Variants in CRACR2A observed in about 807,000 individuals in gnomAD.
CRACR2A encodes the protein calcium release activated channel regulator 2A.
A neutral mutation model predicts 90.5 loss-of-function variants in CRACR2A; 79 were observed. The ratio of observed to expected loss-of-function variants is 0.87; its 90% CI spans 0.73 to 1.05. The LOEUF is 1.05. Among genes scored for constraint, CRACR2A ranks in the 50% least tolerant of loss-of-function variants. The probability of loss-of-function intolerance (pLI) is 0.00; values close to 1 mark genes in which losing one functional copy is unlikely to be tolerated. For synonymous variants in CRACR2A, 338 were observed against 356.7 expected (o/e 0.95, Z 0.59); for missense variants, 823 against 897.2 (o/e 0.92, Z 1.06).
intron 12 of CRACR2A, 22 bp from the exon 13 acceptor site, chr12:3,641,860 T>C: frequency 3.2e-6 from 5 of 1,547,928 alleles, no homozygotes; most frequent in Non-Finnish European, 4.4e-6. Flanking sequence ...CAAAATGTCC[T>C]CAGATCCATG....
chr12:3,648,344 G>C, intron 11 of CRACR2A, 198 bp downstream of exon 11: 1 of 1,479,558 alleles, frequency 6.8e-7, no homozygotes, highest in Non-Finnish European at 9.0e-7. Context: ...GGATGTGGGC[G>C]CATGTGTAAA....
chr12:3,619,443 C>A, intron 17 of CRACR2A, 71 bp from the exon 18 acceptor site: 1 of 1,247,892 alleles, frequency 8.0e-7, no homozygotes, highest in South Asian at 1.3e-5. Context: ...CTAACAATGC[C>A]GGCTGGACAG....
chr12:3,667,614 C>T (rs538723160), intron 7 of CRACR2A, among the ~76,000 whole-genome samples: 1 of 152,316 alleles, frequency 6.6e-6, no homozygotes, highest in East Asian at 1.9e-4. Flanking sequence ...GCAAATTCAG[C>T]CTCAGCCAGT....
intron 7 of CRACR2A, among the ~76,000 whole-genome samples, chr12:3,659,974 T>C (rs1289488529): frequency 6.6e-6 from 1 of 152,192 alleles, no homozygotes. Context: ...TCCCTTTATT[T>C]TACTTTATTT....
intron 2 of CRACR2A, among the ~76,000 whole-genome samples, chr12:3,721,313 C>T (rs1946168135): frequency 2.7e-5 from 4 of 149,314 alleles, no homozygotes; most frequent in South Asian, 2.1e-4. Context: ...GCAAGAGGGT[C>T]GCTTGAGCCC....
At chr12:3,673,640 C>T (rs375460095) in intron 6 of CRACR2A, 48 bp from the exon 7 acceptor site, 31 of 1,595,566 alleles carry the variant, frequency 1.9e-5, no homozygotes, top group East Asian at 1.6e-4. Context: ...TGAGGCTTCA[C>T]GGGAAATACA....
chr12:3,747,547 A>G (rs1247871534), intron 1 of CRACR2A, among the ~76,000 whole-genome samples: 2 of 152,212 alleles, frequency 1.3e-5, no homozygotes, highest in Non-Finnish European at 2.9e-5. Flanking sequence ...ACTCTGATGG[A>G]CTACAAATCC....
chr12:3,721,378 AAAAAGAAAGAAAG>A (rs199880618), intron 2 of CRACR2A, among the ~76,000 whole-genome samples: 2,058 of 151,634 alleles, frequency 0.014, 21 homozygotes, highest in Middle Eastern at 0.031. Flanking sequence ...TACAAAAAAA[AAAAAGAAAGAAAG>A]AAAAGAAAGA....
intron 4 of CRACR2A, among the ~76,000 whole-genome samples, chr12:3,690,128 T>C (rs1945628120): frequency 6.6e-6 from 1 of 152,264 alleles, no homozygotes; most frequent in South Asian, 2.1e-4. Context: ...TTCATTGATC[T>C]TTCTAATGGT....
intron 17 of CRACR2A, 32 bp from the exon 18 acceptor site, chr12:3,619,404 G>A (rs1373131238): frequency 1.3e-6 from 2 of 1,521,468 alleles, no homozygotes; most frequent in African/African-American, 1.4e-5. Context: ...CAACTGAGAG[G>A]GGTGTCATAG....
At chr12:3,745,615 A>C (rs1946600640) in intron 1 of CRACR2A, among the ~76,000 whole-genome samples, 1 of 151,724 alleles carries the variant, frequency 6.6e-6, no homozygotes, top group South Asian at 2.1e-4. Context: ...CTCTACTAAA[A>C]ATACAAAAAT....
At chr12:3,653,813 A>G (rs1217216027) in intron 10 of CRACR2A, among the ~76,000 whole-genome samples, 3 of 152,210 alleles carry the variant, frequency 2.0e-5, no homozygotes, top group African/African-American at 4.8e-5. Flanking sequence ...ACACGACCAC[A>G]GTCACTTAGG....
At position 3,675,810 on chromosome 12, in the gene CRACR2A, G is replaced by A. The variant is rs188632884; in HGVS notation, c.525-2218C>T. Among the ~76,000 whole-genome samples the A allele has an allele frequency of 3.3e-5, 5 of 152,178 alleles. No homozygotes were observed. In the South Asian group the frequency reaches 6.3e-4, roughly 19 times the overall value. On this transcript the variant is annotated intron_variant, in intron 6 of 19. Transcript: ENST00000440314. ...AAGATCTGAGGATAGCTCTGACAAGGAACCCTCAGGAGAAGGAATAAAATC... is the reference window on the plus strand; with the variant it reads ...AAGATCTGAGGATAGCTCTGACAAGAAACCCTCAGGAGAAGGAATAAAATC...
chr12:3,644,169 A>G lies in CRACR2A; in HGVS notation c.1164+426T>C, dbSNP rs553824274. Among the ~76,000 whole-genome samples, 27 of 151,382 alleles carry G rather than the reference A, an allele frequency of 1.8e-4. No individual in the cohort carries two copies. In the South Asian group the frequency reaches 5.2e-3, roughly 29 times the overall value. On this transcript the variant is annotated intron_variant, in intron 12 of 19. Transcript: ENST00000440314. ...AAAATTGTTCATAAAATCAAGTATG[A>G]AAACAGTGAAATACACATTTCTAAT...
chr12:3,618,798 T>C (rs916096721), intron 18 of CRACR2A, among the ~76,000 whole-genome samples: 1 of 152,216 alleles, frequency 6.6e-6, no homozygotes, highest in African/African-American at 2.4e-5. Context: ...TGGTAGGTTT[T>C]CCAGTGTGTC....
chr12:3,627,450 GCCA>G lies in CRACR2A; in HGVS notation c.1915_1917del (p.Trp639del), dbSNP rs1565462723. On this transcript the variant is annotated inframe_deletion, in exon 17 of 20. Transcript: ENST00000440314. Reference sequence around the variant, plus strand: ...CGCCAGCTCACCTCCACGCTGCTCAGCCACCGCCGGACCGACAGGAACGACTGC... The same window carrying G: ...CGCCAGCTCACCTCCACGCTGCTCAGCCGCCGGACCGACAGGAACGACTGC... 1.9e-6 allele frequency: 3 copies of G among 1,551,708 alleles called. No individual in the cohort carries two copies. Among genetic ancestry groups the G allele is most frequent in the Non-Finnish European group, 2.6e-6 (3 of 1,147,044 alleles).
At chr12:3,731,544 T>C (rs1041408356) in intron 2 of CRACR2A, 17 of 152,262 alleles carry the variant, frequency 1.1e-4, no homozygotes, top group African/African-American at 4.1e-4. Flanking sequence ...GGCAGCACCA[T>C]GGAACACCAT....
At chr12:3,689,994 T>C (rs1015577276) in intron 4 of CRACR2A, among the ~76,000 whole-genome samples, 12 of 152,126 alleles carry the variant, frequency 7.9e-5, no homozygotes, top group Non-Finnish European at 1.6e-4. Flanking sequence ...TCAGTAGTAA[T>C]ATTGCCTTTG....
At chr12:3,705,831 G>GA (rs1382556116) in intron 3 of CRACR2A, among the ~76,000 whole-genome samples, 2 of 152,200 alleles carry the variant, frequency 1.3e-5, no homozygotes, top group African/African-American at 4.8e-5. Context: ...TTTGGTGTCA[G>GA]AAAAAAAGAC....
Sources: allele counts gnomAD v4.1 joint callset (sites outside exome capture counted in the v4.1 genomes callset), GRCh38; gene constraint gnomAD v4.1.1; transcripts MANE v1.5; gene names NCBI Gene and HGNC (gene_info 2026-07-23, HGNC 2026-07-21).